The following MALRD1 variants were observed in gnomAD, a reference collection of about 807,000 sequenced individuals.
MALRD1 encodes MAM and LDL receptor class A domain containing 1.
In MALRD1, 247 loss-of-function variants were observed where a neutral mutation model predicts 242.1. The observed-to-expected ratio is 1.02, with a 90% CI of 0.92 to 1.13. MALRD1 has a LOEUF of 1.13. MALRD1 is among the 50% of genes most tolerant of loss of function. The pLI is 0.00. For missense variants in MALRD1, 2,989 were observed against 2,533.1 expected (o/e 1.18, Z -3.86); for synonymous variants, 995 against 866.6 (o/e 1.15, Z -2.60).
rs569382828 is a variant in MALRD1, at chr10:19,609,535, G to A, written c.6070+1633G>A. 2.5e-3 allele frequency among the ~76,000 whole-genome samples: 385 copies of A among 151,990 alleles called. 1 individual carries two copies. The highest frequency in any genetic ancestry group is 4.2e-3 in the Non-Finnish European group (282 of 67,914). The stretch of plus-strand genomic sequence containing the variant: ...GGCTTTTGTAAACCCAATCCTTACA[G>A]CATCCAGTAATTCCCATAGTGGTCT... On this transcript the variant is annotated intron_variant, in intron 35 of 39. Transcript: ENST00000454679.
intron 26 of MALRD1, among the ~76,000 whole-genome samples, chr10:19,361,631 T>A (rs1051747330): frequency 2.0e-4 from 30 of 152,218 alleles, no homozygotes; most frequent in African/African-American, 7.2e-4. Context: ...GATCTCTAAT[T>A]TCCCAGAAGT....
intron 10 of MALRD1, among the ~76,000 whole-genome samples, chr10:19,139,117 G>C (rs999778350): frequency 6.6e-6 from 1 of 152,076 alleles, no homozygotes; most frequent in African/African-American, 2.4e-5. Context: ...CATGTATTTT[G>C]ATACCAAAAT....
At chr10:19,668,082 G>A (rs550882552) in intron 36 of MALRD1, among the ~76,000 whole-genome samples, 11 of 152,250 alleles carry the variant, frequency 7.2e-5, no homozygotes, top group Admixed American at 2.0e-4. Context: ...ACCTCCCAAA[G>A]ACCCCACCTC....
intron 11 of MALRD1, among the ~76,000 whole-genome samples, chr10:19,147,329 G>A (rs1833758385): frequency 6.6e-6 from 1 of 152,204 alleles, no homozygotes; most frequent in African/African-American, 2.4e-5. Context: ...GTGGGTGAGA[G>A]TGCTAGGGGA....
chr10:19,048,026 T>C (rs1185125028), upstream of MALRD1, among the ~76,000 whole-genome samples: 1 of 152,224 alleles, frequency 6.6e-6, no homozygotes, highest in Non-Finnish European at 1.5e-5. Context: ...CATAAGATTA[T>C]GTAATTATTA....
chr10:19,346,582 A>G (rs1302590392), intron 24 of MALRD1, among the ~76,000 whole-genome samples: 1 of 152,212 alleles, frequency 6.6e-6, no homozygotes, highest in African/African-American at 2.4e-5. Context: ...AGAACTTCAT[A>G]AAGAATTATT....
At chr10:19,388,690 A>G (rs1301156514) in intron 27 of MALRD1, among the ~76,000 whole-genome samples, 1 of 152,120 alleles carries the variant, frequency 6.6e-6, no homozygotes, top group Non-Finnish European at 1.5e-5. Flanking sequence ...TTTTGTAGTG[A>G]GTGGCTGAGA....
At chr10:19,387,459 C>T (rs776808236) in intron 26 of MALRD1, 69 bp from the exon 27 acceptor site, 9 of 1,477,178 alleles carry the variant, frequency 6.1e-6, no homozygotes, top group Non-Finnish European at 8.1e-6. Flanking sequence ...TCCACTCTTA[C>T]TGCTTTTTGA....
chr10:19,281,163 T>A (rs550830709), intron 20 of MALRD1, among the ~76,000 whole-genome samples: 3 of 152,310 alleles, frequency 2.0e-5, no homozygotes, highest in Admixed American at 2.0e-4. Flanking sequence ...AGTCATAAAA[T>A]CAAAGCTGAC....
chr10:19,668,355 A>G (rs980347554), intron 36 of MALRD1, among the ~76,000 whole-genome samples: 3 of 152,158 alleles, frequency 2.0e-5, no homozygotes, highest in Non-Finnish European at 4.4e-5. Flanking sequence ...CGAAAATTCT[A>G]TAATAGGGCA....
At chr10:19,074,865 C>T (rs185501355) in intron 2 of MALRD1, among the ~76,000 whole-genome samples, 42 of 151,986 alleles carry the variant, frequency 2.8e-4, no homozygotes, top group African/African-American at 9.6e-4. Context: ...AAAAAATTCA[C>T]GCTCAACAGA....
intron 12 of MALRD1, among the ~76,000 whole-genome samples, chr10:19,157,723 G>A (rs1834224695): frequency 6.6e-6 from 1 of 152,066 alleles, no homozygotes; most frequent in African/African-American, 2.4e-5. Context: ...AACCAGTGTG[G>A]GGTACTTTGA....
intron 28 of MALRD1, among the ~76,000 whole-genome samples, chr10:19,443,337 C>T (rs1028577351): frequency 4.6e-5 from 7 of 152,062 alleles, no homozygotes; most frequent in East Asian, 1.9e-4. Flanking sequence ...CTGCTCTGAT[C>T]ATAGTTATTT....
At chr10:19,408,469 A>T (rs1022209110) in intron 28 of MALRD1, among the ~76,000 whole-genome samples, 1 of 152,166 alleles carries the variant, frequency 6.6e-6, no homozygotes, top group African/African-American at 2.4e-5. Flanking sequence ...TGAGTTTTTT[A>T]AAGGAGTCAT....
intron 36 of MALRD1, among the ~76,000 whole-genome samples, chr10:19,634,803 C>G (rs12261044): frequency 0.063 from 9,617 of 152,098 alleles, 355 homozygotes; most frequent in Middle Eastern, 0.11. Flanking sequence ...TTAGATGCCA[C>G]AGACCTATTT....
At chr10:19,284,263 C>A (rs1054667908) in intron 21 of MALRD1, among the ~76,000 whole-genome samples, 1 of 128,534 alleles carries the variant, frequency 7.8e-6, no homozygotes, top group Non-Finnish European at 1.7e-5. Context: ...TTTTTTTTTT[C>A]ATTATACTTT....
chr10:19,209,508 G>C lies in MALRD1; in HGVS notation c.2819G>C (p.Gly940Ala). 3 of 1,550,700 alleles carry C rather than the reference G, an allele frequency of 1.9e-6. No homozygotes were observed. Among genetic ancestry groups the C allele is most frequent in the Non-Finnish European group, 8.7e-7 (1 of 1,147,014 alleles). ...ATCCTTAATGCCACTGATACAAAAG[G>C]CTGCACCTTCCGCTTCTATTACCAC... ...SPILNATDTK[G>A]CTFRFYYHMF... is the part of the protein sequence containing the mutation. Residue 940 changes from glycine to alanine, a missense_variant, in exon 18 of 40, where the codon GGC becomes GCC. Transcript: ENST00000454679.
intron 32 of MALRD1, among the ~76,000 whole-genome samples, chr10:19,532,880 G>A (rs923854801): frequency 8.5e-5 from 13 of 152,076 alleles, no homozygotes; most frequent in African/African-American, 2.7e-4. Flanking sequence ...ACATCTAATC[G>A]ATGAATATTC....
intron 26 of MALRD1, among the ~76,000 whole-genome samples, chr10:19,364,052 C>CA (rs1360655441): frequency 1.3e-5 from 2 of 151,660 alleles, no homozygotes; most frequent in African/African-American, 4.8e-5. Flanking sequence ...GTGAAGGGGC[C>CA]AAAAAAGTTA....
Sources: allele counts gnomAD v4.1 joint callset (sites outside exome capture counted in the v4.1 genomes callset), GRCh38; gene constraint gnomAD v4.1.1; transcripts MANE v1.5; gene names NCBI Gene and HGNC (gene_info 2026-07-23, HGNC 2026-07-21).